Variants in KLHL20 observed in about 807,000 individuals in gnomAD.
KLHL20 encodes the protein kelch like family member 20, also known as kelch-like protein 20.
KLHL20 carries 29 observed loss-of-function variants against 69.5 expected under a neutral mutation model. The observed-to-expected ratio is 0.42, with a 90% confidence interval of 0.31 to 0.57. KLHL20 has a LOEUF of 0.57. Among genes scored for constraint, KLHL20 ranks in the 20% least tolerant of loss-of-function variants. The pLI, the probability that KLHL20 is intolerant of heterozygous loss-of-function variation, is 0.18. For missense variants in KLHL20, 419 were observed against 776.0 expected (o/e 0.54, Z 5.47); for synonymous variants, 253 against 265.2 (o/e 0.95, Z 0.45).
chr1:173,767,397 T>C (rs61827860), intron 8 of KLHL20, among the ~76,000 whole-genome samples: 33,585 of 152,152 alleles, frequency 0.22, 4,286 homozygotes, highest in Middle Eastern at 0.38. Context: ...CCATTGAATA[T>C]ATACTTAGTA....
chr1:173,728,416 C>A (rs1365799361), intron 2 of KLHL20, among the ~76,000 whole-genome samples: 1 of 152,200 alleles, frequency 6.6e-6, no homozygotes, highest in African/African-American at 2.4e-5. Context: ...ACATAACTCT[C>A]CACCCCAAAT....
chr1:173,727,278 T>C (rs534461969), intron 2 of KLHL20, among the ~76,000 whole-genome samples: 1 of 151,828 alleles, frequency 6.6e-6, no homozygotes, highest in East Asian at 1.9e-4. Context: ...GTCTGATTGG[T>C]GTACCTGAAA....
intron 8 of KLHL20, among the ~76,000 whole-genome samples, chr1:173,769,560 G>T (rs61827861): frequency 6.6e-6 from 1 of 152,082 alleles, no homozygotes; most frequent in East Asian, 1.9e-4. Context: ...AGGCCTAGGT[G>T]GGAGGATTGC....
chr1:173,717,416 T>G (rs1358513807), intron 2 of KLHL20, among the ~76,000 whole-genome samples: 2 of 152,230 alleles, frequency 1.3e-5, no homozygotes, highest in South Asian at 2.1e-4. Flanking sequence ...CTACGGCTCT[T>G]TCTTCATCAC....
intron 2 of KLHL20, 44 bp downstream of exon 2, chr1:173,716,110 T>G (rs1258737533): frequency 6.3e-7 from 1 of 1,590,062 alleles, no homozygotes; most frequent in African/African-American, 1.3e-5. Flanking sequence ...TGATTAAAAT[T>G]CAGCATGTAA....
At chr1:173,767,483 A>T (rs1647805443) in intron 8 of KLHL20, among the ~76,000 whole-genome samples, 1 of 152,140 alleles carries the variant, frequency 6.6e-6, no homozygotes, top group Admixed American at 6.5e-5. Flanking sequence ...CGTAATGGCT[A>T]TACTAGTTTA....
intron 2 of KLHL20, among the ~76,000 whole-genome samples, chr1:173,728,103 T>G (rs1672067398): frequency 1.3e-5 from 2 of 152,124 alleles, no homozygotes; most frequent in Admixed American, 6.5e-5. Context: ...AATCCTAGTC[T>G]CTGATAAAAC....
At chr1:173,775,192 G>A (rs574289110) in intron 9 of KLHL20, among the ~76,000 whole-genome samples, 4 of 151,694 alleles carry the variant, frequency 2.6e-5, no homozygotes, top group South Asian at 2.1e-4. Flanking sequence ...CACCAGATTC[G>A]TCACGTCTTG....
chr1:173,748,900 G>T lies in KLHL20; in HGVS notation c.598-2864G>T, dbSNP rs1288535928. Among the ~76,000 whole-genome samples, 4 of 151,880 alleles carry T rather than the reference G, an allele frequency of 2.6e-5. No homozygotes were observed. In the East Asian group the frequency reaches 7.7e-4, roughly 29 times the overall value. Reference sequence around the variant, plus strand: ...CACTTAAAATTTTTTTTAATGTCTTGCTCTAACTATAAGTTGCGTTTCAGA... The same window carrying T: ...CACTTAAAATTTTTTTTAATGTCTTTCTCTAACTATAAGTTGCGTTTCAGA... On this transcript the variant is annotated intron_variant, in intron 3 of 11. Coordinates refer to ENST00000209884, the MANE Select transcript of KLHL20 (RefSeq NM_014458.4).
intron 3 of KLHL20, among the ~76,000 whole-genome samples, chr1:173,745,974 A>AG (rs1553282755): frequency 6.6e-6 from 1 of 152,120 alleles, no homozygotes; most frequent in African/African-American, 2.4e-5. Context: ...AAAAAAAAAA[A>AG]GTATTCATGT....
chr1:173,757,248 T>A (rs769751798), intron 7 of KLHL20, 89 bp downstream of exon 7: 51 of 1,266,982 alleles, frequency 4.0e-5, no homozygotes, highest in Non-Finnish European at 5.5e-5. Flanking sequence ...TTTAATGCTT[T>A]AGTATTGCAT....
At chr1:173,738,960 TTGTTA>T (rs1672664238) in intron 3 of KLHL20, among the ~76,000 whole-genome samples, 1 of 152,190 alleles carries the variant, frequency 6.6e-6, no homozygotes, top group Non-Finnish European at 1.5e-5. Flanking sequence ...TTTTGTTTCT[TTGTTA>T]TGTTCTTTCC....
intron 7 of KLHL20, among the ~76,000 whole-genome samples, chr1:173,764,485 C>T (rs528073086): frequency 6.6e-6 from 1 of 152,270 alleles, no homozygotes; most frequent in African/African-American, 2.4e-5. Flanking sequence ...AAATGTCCGT[C>T]AATCAATGAG....
intron 10 of KLHL20, among the ~76,000 whole-genome samples, chr1:173,778,228 C>A (rs560869004): frequency 1.3e-4 from 20 of 152,076 alleles, no homozygotes; most frequent in Non-Finnish European, 2.1e-4. Flanking sequence ...CTCAGCCCCC[C>A]ACCCCCCGAC....
chr1:173,783,585 T>C (rs994530131), intron 11 of KLHL20, among the ~76,000 whole-genome samples: 2 of 152,042 alleles, frequency 1.3e-5, no homozygotes, highest in African/African-American at 4.8e-5. Flanking sequence ...GATTTATTGA[T>C]GGCCAGGCAC....
intron 3 of KLHL20, among the ~76,000 whole-genome samples, chr1:173,740,170 G>T: frequency 6.8e-6 from 1 of 146,584 alleles, no homozygotes; most frequent in South Asian, 2.2e-4. Flanking sequence ...TGCCCAGGCT[G>T]GAGTGCAGTG....
At chr1:173,731,981 A>C (rs955086623) in intron 2 of KLHL20, among the ~76,000 whole-genome samples, 14 of 152,002 alleles carry the variant, frequency 9.2e-5, no homozygotes, top group African/African-American at 3.4e-4. Flanking sequence ...GCGGATCACG[A>C]GGTCAGGAGA....
chr1:173,736,391 A>G (rs775689139), intron 3 of KLHL20, among the ~76,000 whole-genome samples: 1 of 152,124 alleles, frequency 6.6e-6, no homozygotes, highest in Non-Finnish European at 1.5e-5. Flanking sequence ...TGCTATAAAC[A>G]TGCACATGCA....
At chr1:173,763,968 A>G (rs1647506596) in intron 7 of KLHL20, among the ~76,000 whole-genome samples, 1 of 152,192 alleles carries the variant, frequency 6.6e-6, no homozygotes, top group Admixed American at 6.5e-5. Context: ...AGAGTGTGAG[A>G]AAATCTTCAC....
Sources: allele counts gnomAD v4.1 joint callset (sites outside exome capture counted in the v4.1 genomes callset), GRCh38; gene constraint gnomAD v4.1.1; transcripts MANE v1.5; gene names NCBI Gene and HGNC (gene_info 2026-07-23, HGNC 2026-07-21).